Variants in FOCAD observed in about 807,000 individuals in gnomAD.
FOCAD encodes focadhesin.
A neutral mutation model predicts 225.6 loss-of-function variants in FOCAD; 198 were observed. The ratio of observed to expected loss-of-function variants is 0.88; its 90% CI spans 0.78 to 0.99. FOCAD has a LOEUF of 0.99. FOCAD is among the 50% of genes least tolerant of loss of function. The pLI is 0.00. For missense variants in FOCAD, 2,713 were observed against 2,123.6 expected, an observed-to-expected ratio of 1.28 and a Z score of -5.46; for synonymous variants, 897 against 755.0, an observed-to-expected ratio of 1.19 and a Z score of -3.08.
chr9:20,988,512 C>T (rs1055027178), intron 41 of FOCAD, 83 bp downstream of exon 41: 1 of 276,148 alleles, frequency 3.6e-6, no homozygotes. Flanking sequence ...GCGGTTTTGC[C>T]ATTAATTGGC....
chr9:20,765,064 A>G lies in FOCAD; in HGVS notation c.690A>G (p.Pro230=), dbSNP rs142943471. The G allele has an allele frequency of 5.0e-4, 805 of 1,612,916 alleles. 12 individuals are homozygous for G. The highest frequency in any genetic ancestry group is 1.7e-4 in the Middle Eastern group (1 of 6,054). The change falls in exon 7 of 44, where the codon CCA becomes CCG. Residue 230 remains proline (P), a synonymous_variant. Transcript: ENST00000338382. ...TTCAACTGTGTTGTGACATAGTTCC[A>G]TGTTTGCAGGTAAGGTCTTTGTCCT... ...QILQLCCDIV[P]CLQVKDLIQT...
chr9:20,802,305 A>G (rs1466821047), intron 11 of FOCAD, among the ~76,000 whole-genome samples: 3 of 152,138 alleles, frequency 2.0e-5, no homozygotes, highest in African/African-American at 4.8e-5. Flanking sequence ...ATATATATAT[A>G]TGACTTGAAT....
intron 5 of FOCAD, 111 bp from the exon 6 acceptor site, chr9:20,757,979 G>T: frequency 1.9e-6 from 1 of 521,480 alleles, no homozygotes; most frequent in Non-Finnish European, 3.3e-6. Context: ...ATTATGAATC[G>T]TGAAAAAAGT....
chr9:20,815,179 G>C (rs1171648808), intron 11 of FOCAD, among the ~76,000 whole-genome samples: 1 of 117,620 alleles, frequency 8.5e-6, no homozygotes, highest in Non-Finnish European at 1.7e-5. Flanking sequence ...TTGTCTCCCA[G>C]GCTGGAGTGC....
At chr9:20,932,508 T>C (rs1027915710) in intron 27 of FOCAD, among the ~76,000 whole-genome samples, 1 of 152,110 alleles carries the variant, frequency 6.6e-6, no homozygotes, top group East Asian at 1.9e-4. Flanking sequence ...TAAACAAATA[T>C]AGGTCTAGGA....
chr9:20,880,179 T>C (rs549743089), intron 19 of FOCAD, among the ~76,000 whole-genome samples: 1 of 152,064 alleles, frequency 6.6e-6, no homozygotes, highest in South Asian at 2.1e-4. Context: ...TCAGATTGAG[T>C]AATTGGAGAG....
rs781428922 is a variant in FOCAD, at chr9:20,830,234, C to T, written c.1920+7119C>T. ...TTTCTGTCCTTCTCCATTTCCTTTG[C>T]GATTGGTTAATGTATAATGTTTTGC... On this transcript the variant is annotated intron_variant, in intron 15 of 43. Transcript: ENST00000338382. Among the ~76,000 whole-genome samples the T allele has an allele frequency of 6.6e-5, 10 of 151,842 alleles. No individual in the cohort carries two copies. In the East Asian group the frequency reaches 1.2e-3, roughly 18 times the overall value.
At chr9:20,813,510 C>T (rs1048048597) in intron 11 of FOCAD, among the ~76,000 whole-genome samples, 1 of 152,094 alleles carries the variant, frequency 6.6e-6, no homozygotes, top group Non-Finnish European at 1.5e-5. Context: ...ACATCCTTGT[C>T]AATACTTCTG....
intron 15 of FOCAD, among the ~76,000 whole-genome samples, chr9:20,852,988 A>C (rs1232344846): frequency 6.6e-6 from 1 of 151,756 alleles, no homozygotes; most frequent in African/African-American, 2.4e-5. Flanking sequence ...AGGAGTGACC[A>C]TTAGAAAAAA....
chr9:20,809,080 C>T (rs1469033431), intron 11 of FOCAD, among the ~76,000 whole-genome samples: 5 of 152,106 alleles, frequency 3.3e-5, no homozygotes, highest in Admixed American at 3.3e-4. Flanking sequence ...ATGTTATGGC[C>T]ATTTTACCAC....
At chr9:20,871,941 A>G (rs1047008793) in intron 18 of FOCAD, among the ~76,000 whole-genome samples, 1 of 151,508 alleles carries the variant, frequency 6.6e-6, no homozygotes, top group Non-Finnish European at 1.5e-5. Flanking sequence ...TTAAAAAAAA[A>G]AGAAGTGATC....
At chr9:20,859,727 T>A (rs1186473336) in intron 15 of FOCAD, among the ~76,000 whole-genome samples, 1 of 147,596 alleles carries the variant, frequency 6.8e-6, no homozygotes, top group Non-Finnish European at 1.5e-5. Context: ...TATATATATA[T>A]AAAAAGAAGT....
At chr9:20,848,411 G>A (rs1241710162) in intron 15 of FOCAD, among the ~76,000 whole-genome samples, 3 of 151,918 alleles carry the variant, frequency 2.0e-5, no homozygotes, top group African/African-American at 7.3e-5. Flanking sequence ...GTTTCTTTAT[G>A]GCCAGTTTTT....
At chr9:20,702,351 G>A (rs557432440) in intron 1 of FOCAD, among the ~76,000 whole-genome samples, 5 of 152,100 alleles carry the variant, frequency 3.3e-5, no homozygotes, top group South Asian at 2.1e-4. Flanking sequence ...TGATCCTCCC[G>A]CCTCAGCCTC....
At chr9:20,715,631 C>T (rs1461193050) in intron 2 of FOCAD, among the ~76,000 whole-genome samples, 1 of 151,912 alleles carries the variant, frequency 6.6e-6, no homozygotes, top group African/African-American at 2.4e-5. Flanking sequence ...ATATATCATA[C>T]TTTTCTTCCT....
intron 11 of FOCAD, among the ~76,000 whole-genome samples, chr9:20,796,815 T>A (rs892565822): frequency 1.8e-4 from 27 of 151,858 alleles, no homozygotes; most frequent in African/African-American, 5.8e-4. Flanking sequence ...AGCTCTTTAG[T>A]TCAATTAGAT....
At chr9:20,854,961 A>G (rs1300416862) in intron 15 of FOCAD, among the ~76,000 whole-genome samples, 1 of 151,808 alleles carries the variant, frequency 6.6e-6, no homozygotes, top group African/African-American at 2.4e-5. Context: ...TAATTCAACT[A>G]ATTTTCACAG....
At chr9:20,848,261 A>G (rs1827314888) in intron 15 of FOCAD, among the ~76,000 whole-genome samples, 1 of 152,014 alleles carries the variant, frequency 6.6e-6, no homozygotes, top group African/African-American at 2.4e-5. Flanking sequence ...TAATAGACTG[A>G]GTGGGGAAAC....
intron 2 of FOCAD, among the ~76,000 whole-genome samples, chr9:20,673,021 G>T (rs1822121424): frequency 6.6e-6 from 1 of 152,166 alleles, no homozygotes; most frequent in African/African-American, 2.4e-5. Flanking sequence ...CAGCAGTAAA[G>T]ATACTCAGAT....
Sources: allele counts gnomAD v4.1 joint callset (sites outside exome capture counted in the v4.1 genomes callset), GRCh38; gene constraint gnomAD v4.1.1; transcripts MANE v1.5; gene names NCBI Gene and HGNC (gene_info 2026-07-23, HGNC 2026-07-21).